The following RANGAP1 variants were observed in gnomAD, a reference collection of about 807,000 sequenced individuals.
RANGAP1 encodes the protein ran GTPase-activating protein 1.
A neutral mutation model predicts 63.5 loss-of-function variants in RANGAP1; 38 were observed. That is an observed-to-expected ratio of 0.60 (90% CI 0.46 to 0.78). The LOEUF (loss-of-function observed/expected upper bound fraction) is 0.78, where lower values mean the gene tolerates loss of function less well. Ranked by LOEUF, RANGAP1 falls within the 30% of genes least tolerant of loss-of-function variation. The pLI is 0.00. For missense variants in RANGAP1, 630 were observed against 740.3 expected (o/e 0.85, Z 1.73); for synonymous variants, 329 against 310.5 (o/e 1.06, Z -0.63).
the RANGAP1 span, among the ~76,000 whole-genome samples, chr22:41,301,189 G>A: frequency 6.6e-6 from 1 of 152,116 alleles, no homozygotes; most frequent in Admixed American, 6.6e-5. Context: ...ACGCAACCAG[G>A]GTTTTGGGCA....
At position 41,246,383 on chromosome 22, in the gene RANGAP1, G is replaced by C; in HGVS notation, c.*220C>G. 2.0e-6 allele frequency: 1 copy of C among 511,586 alleles called. No individual in the cohort carries two copies. Among genetic ancestry groups the C allele is most frequent in the Non-Finnish European group, 3.5e-6 (1 of 283,062 alleles). The allele number at this position is 511,586 out of a possible 1,614,324, so 31.7% of individuals were successfully genotyped here. ...CCCACAACAGAGCAGGGCTGGGCCAGCAGAAGACGTTAAAACCCAAATCCC... is the reference window on the plus strand; with the variant it reads ...CCCACAACAGAGCAGGGCTGGGCCACCAGAAGACGTTAAAACCCAAATCCC... On this transcript the variant is annotated 3_prime_UTR_variant, in exon 16 of 16. Coordinates refer to ENST00000356244, the MANE Select transcript of RANGAP1 (RefSeq NM_002883.4).
the RANGAP1 span, among the ~76,000 whole-genome samples, chr22:41,293,594 C>T: frequency 6.6e-6 from 1 of 151,496 alleles, no homozygotes; most frequent in Non-Finnish European, 1.5e-5. Flanking sequence ...CTGGCTCACA[C>T]GGTGAAACCC....
upstream of RANGAP1, among the ~76,000 whole-genome samples, chr22:41,290,656 A>G (rs2145875786): frequency 6.6e-6 from 1 of 152,266 alleles, no homozygotes; most frequent in South Asian, 2.1e-4. Context: ...TGTTTTTGTA[A>G]AGAATGTTTC....
At chr22:41,278,905 G>A (rs1032326183) in intron 2 of RANGAP1, among the ~76,000 whole-genome samples, 5 of 151,886 alleles carry the variant, frequency 3.3e-5, no homozygotes, top group Admixed American at 6.6e-5. Flanking sequence ...TTGGGAGGCC[G>A]AGGTGAGAGG....
the RANGAP1 span, among the ~76,000 whole-genome samples, chr22:41,291,388 G>C: frequency 3.3e-5 from 5 of 151,876 alleles, no homozygotes; most frequent in African/African-American, 9.7e-5. Flanking sequence ...ACGAGGTCAG[G>C]AGTTCAAGAC....
At chr22:41,278,628 C>T (rs575290020) in intron 2 of RANGAP1, among the ~76,000 whole-genome samples, 3 of 152,242 alleles carry the variant, frequency 2.0e-5, no homozygotes, top group Admixed American at 6.5e-5. Flanking sequence ...AAAATCCTAG[C>T]TCTGCTATTT....
chr22:41,299,529 A>G, the RANGAP1 span, among the ~76,000 whole-genome samples: 1 of 152,154 alleles, frequency 6.6e-6, no homozygotes, highest in Non-Finnish European at 1.5e-5. Context: ...TTGGCGTCCC[A>G]AAGTGCTAGG....
Position 41,256,749 on chromosome 22 carries a change from T to C in RANGAP1, c.850A>G (p.Ile284Val), listed in dbSNP as rs148624391. Residue 284 changes from isoleucine to valine, a missense_variant, in exon 8 of 16, where the codon ATT becomes GTT. Coordinates refer to ENST00000356244, the MANE Select transcript of RANGAP1 (RefSeq NM_002883.4). ...CLVRSKGAVA[I>V]ADAIRGGLPK... is the part of the protein sequence containing the mutation. ...AGGCCGCCGCGGATGGCATCTGCAA[T>C]GGCAACTGCACCCTTGGAGCGCACC... 200 of 1,614,000 alleles carry C rather than the reference T, an allele frequency of 1.2e-4. No homozygotes were observed. The highest frequency in any genetic ancestry group is 1.6e-4 in the Non-Finnish European group (183 of 1,180,044).
intron 6 of RANGAP1, 73 bp downstream of exon 6, chr22:41,261,373 A>G: frequency 6.3e-7 from 1 of 1,596,188 alleles, no homozygotes; most frequent in South Asian, 1.1e-5. Context: ...TGGGATTAGC[A>G]TCCAGAACTG....
rs758368926 is a variant in RANGAP1, at chr22:41,274,607, T to C, written c.233A>G (p.Glu78Gly). Residue 78 changes from glutamate to glycine, a missense_variant, in exon 3 of 16, where the codon GAG becomes GGG. Physicochemically the swap from Glu to Gly is moderately conservative, Grantham distance 98 (BLOSUM62 -2). Coordinates refer to ENST00000356244, the MANE Select transcript of RANGAP1 (RefSeq NM_002883.4). ...TCGCCCCACTCTGCTCACCTTCAAC[T>C]CCGACTTCTTCTCTAAGGCCTTGGC... is the stretch of plus-strand genomic sequence containing the variant. ...VIAKALEKKS[E>G]LKRCHWSDMF... 6.2e-6 allele frequency: 10 copies of C among 1,614,158 alleles called. No individual in the cohort carries two copies. In the East Asian group the frequency reaches 2.2e-4, roughly 36 times the overall value.
chr22:41,301,451 C>G, the RANGAP1 span: 1 of 152,226 alleles, frequency 6.6e-6, no homozygotes, highest in African/African-American at 2.4e-5. Context: ...GTGCGCAGCC[C>G]GCGCCGCCCA....
At chr22:41,299,183 A>G in the RANGAP1 span, among the ~76,000 whole-genome samples, 1 of 151,886 alleles carries the variant, frequency 6.6e-6, no homozygotes, top group Non-Finnish European at 1.5e-5. Context: ...CCCAGGCTGG[A>G]ATGCAGTGGC....
In RANGAP1 at chr22:41,249,421, G is replaced by T; in HGVS notation, c.1603C>A (p.Leu535Met). 1 of 1,614,180 alleles carries T rather than the reference G, an allele frequency of 6.2e-7. No individual in the cohort carries two copies. Among genetic ancestry groups the T allele is most frequent in the South Asian group, 1.1e-5 (1 of 91,084 alleles). The change falls in exon 15 of 16, where the codon CTG (leucine) becomes ATG (methionine). Residue 535 changes from leucine to methionine, a missense_variant. By Grantham distance (15) the Leu-to-Met change is conservative. This residue lies in a region of RANGAP1 where 428 missense variants were observed against 465.5 expected (regional missense o/e 0.92). Transcript: ENST00000356244. Reference sequence around the variant, plus strand: ...TTCAGCGCCATCAGGGGGCCGTACAGGTTGGCAATGGCCTTGACCTTGTCT... The same window carrying T: ...TTCAGCGCCATCAGGGGGCCGTACATGTTGGCAATGGCCTTGACCTTGTCT... ...SEDKVKAIANLYGPLMALNHM... is the reference protein window; with the variant it reads ...SEDKVKAIANMYGPLMALNHM...
Position 41,264,743 on chromosome 22 carries a change from G to A in RANGAP1, c.401C>T (p.Ala134Val), listed in dbSNP as rs148292488. ...FGPDGVQGFE[A>V]LLKSSACFTL... ...GAAGCAGGCTGAGCTCTTGAGCAGG[G>A]CCTCGAAGCCTTGCACACCGTCGGG... Residue 134 changes from alanine (A) to valine (V), a missense_variant, in exon 5 of 16, where the codon GCC (alanine) becomes GTC (valine). By Grantham distance (64) the Ala-to-Val change is moderately conservative. This residue lies in a region of RANGAP1 where 137 missense variants were observed against 214.3 expected (regional missense o/e 0.64). Coordinates refer to ENST00000356244, the MANE Select transcript of RANGAP1 (RefSeq NM_002883.4). The A allele has an allele frequency of 1.1e-4, 171 of 1,614,094 alleles. 1 individual carries two copies. The African/African-American group carries it at 2.1e-3, about 20-fold the overall frequency.
chr22:41,265,186 G>A (rs2034396373), intron 4 of RANGAP1, among the ~76,000 whole-genome samples: 2 of 152,244 alleles, frequency 1.3e-5, no homozygotes, highest in South Asian at 4.1e-4. Flanking sequence ...AGCAGGCTGT[G>A]AGCCTGGAGG....
At chr22:41,262,288 G>A (rs913585270) in intron 5 of RANGAP1, among the ~76,000 whole-genome samples, 3 of 152,288 alleles carry the variant, frequency 2.0e-5, no homozygotes, top group Middle Eastern at 3.4e-3. Context: ...GAGACTGACC[G>A]ATGGGAATCA....
At chr22:41,258,800 G>A (rs1453359406) in intron 6 of RANGAP1, among the ~76,000 whole-genome samples, 4 of 152,102 alleles carry the variant, frequency 2.6e-5, no homozygotes, top group Non-Finnish European at 5.9e-5. Context: ...GATTACAGGC[G>A]TGCGCCACCA....
chr22:41,263,332 C>T (rs1342942699), intron 5 of RANGAP1, among the ~76,000 whole-genome samples: 2 of 152,224 alleles, frequency 1.3e-5, no homozygotes, highest in East Asian at 1.9e-4. Flanking sequence ...GGTTGGGCCA[C>T]GCCTGCTTTC....
chr22:41,298,383 C>T, the RANGAP1 span, among the ~76,000 whole-genome samples: 18 of 152,012 alleles, frequency 1.2e-4, no homozygotes, highest in African/African-American at 4.1e-4. Flanking sequence ...GGCGCGATCT[C>T]GGCTCACTGC....
Sources: allele counts gnomAD v4.1 joint callset (sites outside exome capture counted in the v4.1 genomes callset), GRCh38; gene constraint gnomAD v4.1.1; regional missense constraint gnomAD v4.1.1; transcripts MANE v1.5; gene names NCBI Gene and HGNC (gene_info 2026-07-23, HGNC 2026-07-21).